The following RNF220 variants were observed in gnomAD, a reference collection of about 807,000 sequenced individuals.
RNF220 encodes E3 ubiquitin-protein ligase RNF220.
In RNF220, 7 loss-of-function variants were observed where a neutral mutation model predicts 67.1. The observed-to-expected ratio is 0.10, with a 90% CI of 0.06 to 0.20. The LOEUF is 0.20. RNF220 is among the 10% of genes least tolerant of loss of function. The pLI is 1.00. For synonymous variants in RNF220, 270 were observed against 283.2 expected, an observed-to-expected ratio of 0.95 and a Z score of 0.47; for missense variants, 565 against 740.3, an observed-to-expected ratio of 0.76 and a Z score of 2.75.
chr1:44,489,699 A>T (rs1656674023), intron 2 of RNF220, among the ~76,000 whole-genome samples: 1 of 152,240 alleles, frequency 6.6e-6, no homozygotes, highest in African/African-American at 2.4e-5. Flanking sequence ...ATTCACGCCC[A>T]TTCCTGAACC....
At chr1:44,641,902 C>T (rs1158136368) in intron 8 of RNF220, among the ~76,000 whole-genome samples, 2 of 152,242 alleles carry the variant, frequency 1.3e-5, no homozygotes, top group African/African-American at 2.4e-5. Flanking sequence ...CATCCTGCCT[C>T]ACTGGCCAGC....
chr1:44,440,584 T>C (rs1010095239), intron 2 of RNF220, among the ~76,000 whole-genome samples: 2 of 152,200 alleles, frequency 1.3e-5, no homozygotes, highest in Admixed American at 6.5e-5. Context: ...TTTAAGACAT[T>C]TGACCAATAT....
intron 2 of RNF220, among the ~76,000 whole-genome samples, chr1:44,523,974 A>G (rs889658596): frequency 6.6e-6 from 1 of 152,180 alleles, no homozygotes; most frequent in African/African-American, 2.4e-5. Context: ...GAGCAGCGGC[A>G]TTGTGAGTCG....
chr1:44,551,645 T>C (rs1005877190), intron 2 of RNF220, among the ~76,000 whole-genome samples: 4 of 152,198 alleles, frequency 2.6e-5, no homozygotes, highest in African/African-American at 9.7e-5. Context: ...ATCCACATTA[T>C]CAATTTTTAA....
intron 9 of RNF220, 70 bp from the exon 10 acceptor site, chr1:44,644,925 G>C: frequency 6.3e-7 from 1 of 1,576,198 alleles, no homozygotes; most frequent in African/African-American, 1.3e-5. Flanking sequence ...GGAGGGCCAT[G>C]CTCTCCTGAG....
intron 2 of RNF220, chr1:44,420,000 G>A (rs1042851365): frequency 1.3e-5 from 2 of 152,128 alleles, no homozygotes; most frequent in Non-Finnish European, 2.9e-5. Flanking sequence ...CTTTTGGTGT[G>A]TATTTTAGAA....
At chr1:44,607,496 T>C (rs1363412722) in intron 2 of RNF220, among the ~76,000 whole-genome samples, 1 of 151,180 alleles carries the variant, frequency 6.6e-6, no homozygotes, top group Non-Finnish European at 1.5e-5. Context: ...TCTTTTTTTT[T>C]TTTTTTTTGA....
At chr1:44,436,473 C>T (rs114849570) in intron 2 of RNF220, among the ~76,000 whole-genome samples, 6 of 152,162 alleles carry the variant, frequency 3.9e-5, no homozygotes, top group African/African-American at 1.4e-4. Flanking sequence ...TGTACAGCAA[C>T]TGCTAGCACA....
In RNF220 at chr1:44,503,861, G is replaced by GT. The variant is rs796100266; in HGVS notation, c.625+91149dup. On this transcript the variant is annotated intron_variant, in intron 2 of 14. Coordinates refer to ENST00000361799, the MANE Select transcript of RNF220 (RefSeq NM_018150.4). ...CCCAGCCATCCGTGGGTTGTTTTTT[G>GT]TTTTTTTTTTAGACAGAGTCTGCTG... Among the ~76,000 whole-genome samples, 475 of 147,370 alleles carry GT rather than the reference G, an allele frequency of 3.2e-3. 1 individual carries two copies. The highest frequency in any genetic ancestry group is 6.9e-3 in the Middle Eastern group (2 of 290).
At chr1:44,504,630 G>A (rs1181579864) in intron 2 of RNF220, among the ~76,000 whole-genome samples, 2 of 152,038 alleles carry the variant, frequency 1.3e-5, no homozygotes, top group African/African-American at 4.8e-5. Flanking sequence ...GAGCAGTGAG[G>A]GAGAGAGCAA....
chr1:44,426,637 G>A (rs1649802550), intron 2 of RNF220, among the ~76,000 whole-genome samples: 1 of 151,036 alleles, frequency 6.6e-6, no homozygotes, highest in African/African-American at 2.4e-5. Context: ...TAAGGCAGGA[G>A]AATTGCTTGA....
chr1:44,487,714 T>C (rs1656445451), intron 2 of RNF220, among the ~76,000 whole-genome samples: 1 of 141,890 alleles, frequency 7.0e-6, no homozygotes, highest in Non-Finnish European at 1.5e-5. Flanking sequence ...ATAATAACAA[T>C]AATAATAATA....
At chr1:44,516,413 C>T (rs950838598) in intron 2 of RNF220, among the ~76,000 whole-genome samples, 5 of 152,264 alleles carry the variant, frequency 3.3e-5, no homozygotes, top group Middle Eastern at 3.4e-3. Context: ...AAGTTTGCTA[C>T]GCAGCCAAAG....
chr1:44,640,714 CGATT>C (rs930134431), intron 8 of RNF220, among the ~76,000 whole-genome samples: 3 of 152,186 alleles, frequency 2.0e-5, no homozygotes, highest in African/African-American at 4.8e-5. Context: ...CACTGCAGGC[CGATT>C]GATTGTCCCG....
At chr1:44,535,051 A>T (rs779722826) in intron 2 of RNF220, among the ~76,000 whole-genome samples, 8 of 151,592 alleles carry the variant, frequency 5.3e-5, no homozygotes, top group Non-Finnish European at 1.0e-4. Flanking sequence ...TTCTGGCTTC[A>T]TCGGGGGTAG....
intron 2 of RNF220, among the ~76,000 whole-genome samples, chr1:44,509,965 A>G (rs1658837518): frequency 6.6e-6 from 1 of 151,630 alleles, no homozygotes; most frequent in Admixed American, 6.6e-5. Flanking sequence ...TAGAATGATT[A>G]CAGGTTCAAT....
intron 2 of RNF220, among the ~76,000 whole-genome samples, chr1:44,443,204 C>T (rs1386332168): frequency 6.6e-6 from 1 of 152,226 alleles, no homozygotes; most frequent in Non-Finnish European, 1.5e-5. Context: ...GATTTACCAT[C>T]TTCTCCCACT....
chr1:44,539,266 G>A (rs16832053), intron 2 of RNF220, among the ~76,000 whole-genome samples: 5,352 of 152,084 alleles, frequency 0.035, 135 homozygotes, highest in Non-Finnish European at 0.054. Flanking sequence ...ATGGTTCGCC[G>A]TGAGCCCTGA....
At chr1:44,520,128 T>TGTGTGAGAGAGA (rs796131470) in intron 2 of RNF220, among the ~76,000 whole-genome samples, 1 of 113,374 alleles carries the variant, frequency 8.8e-6, no homozygotes, top group South Asian at 3.6e-4. Context: ...TGTGTGTGTG[T>TGTGTGAGAGAGA]GAGAGAGAGA....
Sources: allele counts gnomAD v4.1 joint callset (sites outside exome capture counted in the v4.1 genomes callset), GRCh38; gene constraint gnomAD v4.1.1; transcripts MANE v1.5; gene names NCBI Gene and HGNC (gene_info 2026-07-23, HGNC 2026-07-21).